Variants in CADM2 observed in about 807,000 individuals in gnomAD.
The protein encoded by CADM2 is cell adhesion molecule 2.
In CADM2, 12 loss-of-function variants were observed where a neutral mutation model predicts 49.8. That is an observed-to-expected ratio of 0.24 (90% CI 0.15 to 0.39). The LOEUF is 0.39. CADM2 is among the 10% of genes least tolerant of loss of function. The probability of loss-of-function intolerance (pLI) is 1.00; values close to 1 mark genes in which losing one functional copy is unlikely to be tolerated. For synonymous variants in CADM2, 214 were observed against 175.4 expected, an observed-to-expected ratio of 1.22 and a Z score of -1.74; for missense variants, 378 against 492.3, an observed-to-expected ratio of 0.77 and a Z score of 2.20.
At chr3:85,838,872 T>G (rs558779587) in intron 3 of CADM2, among the ~76,000 whole-genome samples, 1 of 151,890 alleles carries the variant, frequency 6.6e-6, no homozygotes, top group African/African-American at 2.4e-5. Flanking sequence ...TTATTGTCCT[T>G]AAGGAAATAA....
rs2044358565 is a variant in CADM2 at position 85,312,074 on chromosome 3, CCG to C, written c.61+352408_61+352409del. Among the ~76,000 whole-genome samples, 3 of 152,016 alleles carry C rather than the reference CCG, an allele frequency of 2.0e-5. No individual in the cohort carries two copies. The South Asian group carries it at 6.2e-4, about 32-fold the overall frequency. ...TAAAGGCCTCTTTTTTAAACTTTAG[CCG>C]CTCATATATTATTTTACTCATCCAA... On this transcript the variant is annotated intron_variant, in intron 1 of 9. Coordinates refer to ENST00000383699, the MANE Select transcript of CADM2 (RefSeq NM_001167675.2).
intron 1 of CADM2, among the ~76,000 whole-genome samples, chr3:85,316,260 T>G: frequency 6.6e-6 from 1 of 152,282 alleles, no homozygotes. Context: ...CTATATATAT[T>G]AATATTTAAA....
rs752047901 is a variant in CADM2 at position 85,174,410 on chromosome 3, T to A, written c.61+214742T>A. 4.2e-4 allele frequency among the ~76,000 whole-genome samples: 64 copies of A among 152,090 alleles called. No homozygotes were observed. The Middle Eastern group carries it at 0.014, about 32-fold the overall frequency. ...TGAGATTCACTGTTTGTAGAGAGAA[T>A]GTTTATCATTTCCTACCGCATTAAT... On this transcript the variant is annotated intron_variant, in intron 1 of 9. Coordinates refer to ENST00000383699, the MANE Select transcript of CADM2 (RefSeq NM_001167675.2).
intron 1 of CADM2, among the ~76,000 whole-genome samples, chr3:85,657,628 AT>A (rs1292953532): frequency 1.3e-5 from 2 of 150,214 alleles, no homozygotes; most frequent in East Asian, 2.0e-4. Flanking sequence ...AGCAACAATT[AT>A]TTGTATACAT....
chr3:85,628,651 A>G (rs1032847724), intron 1 of CADM2, among the ~76,000 whole-genome samples: 2 of 146,282 alleles, frequency 1.4e-5, no homozygotes, highest in African/African-American at 2.5e-5. Flanking sequence ...ATATACACAC[A>G]CATATGTATA....
At chr3:85,882,050 C>A (rs1323163109) in intron 3 of CADM2, among the ~76,000 whole-genome samples, 1 of 152,116 alleles carries the variant, frequency 6.6e-6, no homozygotes, top group African/African-American at 2.4e-5. Context: ...TAACAGACTG[C>A]AAACTGGTAC....
At chr3:85,071,204 T>C (rs969816670) in intron 1 of CADM2, among the ~76,000 whole-genome samples, 2 of 151,132 alleles carry the variant, frequency 1.3e-5, no homozygotes, top group Admixed American at 6.6e-5. Context: ...ATAGGTAAGA[T>C]GGGAGGGAAA....
chr3:84,974,078 T>C (rs1171166991), intron 1 of CADM2, among the ~76,000 whole-genome samples: 1 of 152,118 alleles, frequency 6.6e-6, no homozygotes, highest in East Asian at 1.9e-4. Context: ...TTTTACTTCC[T>C]TTAATATTTA....
chr3:85,157,472 G>T (rs2107659670), intron 1 of CADM2, among the ~76,000 whole-genome samples: 1 of 152,160 alleles, frequency 6.6e-6, no homozygotes, highest in African/African-American at 2.4e-5. Flanking sequence ...AAACAGCATG[G>T]TACTGGTACC....
chr3:85,647,163 C>T lies in CADM2; in HGVS notation c.62-79359C>T, dbSNP rs375233030. On this transcript the variant is annotated intron_variant, in intron 1 of 9. Coordinates refer to ENST00000383699, the MANE Select transcript of CADM2 (RefSeq NM_001167675.2). ...CCAAAACACTGCCCTTTACCAAGTA[C>T]CCATGAAAGATACAGATAATTAATT... 2.6e-5 allele frequency among the ~76,000 whole-genome samples: 4 copies of T among 151,760 alleles called. No individual in the cohort carries two copies. The East Asian group carries it at 7.8e-4, about 29-fold the overall frequency.
chr3:85,641,789 G>T (rs2064723759), intron 1 of CADM2, among the ~76,000 whole-genome samples: 1 of 151,720 alleles, frequency 6.6e-6, no homozygotes, highest in South Asian at 2.1e-4. Flanking sequence ...AAAATAGCCA[G>T]GTGTGGTGGC....
At chr3:86,050,001 A>C (rs1444914578) in intron 8 of CADM2, among the ~76,000 whole-genome samples, 1 of 152,084 alleles carries the variant, frequency 6.6e-6, no homozygotes, top group Non-Finnish European at 1.5e-5. Context: ...AAGTCCCCCA[A>C]ACTTGTAACT....
chr3:85,713,033 G>T (rs1033202412), intron 1 of CADM2, among the ~76,000 whole-genome samples: 1 of 152,054 alleles, frequency 6.6e-6, no homozygotes, highest in Admixed American at 6.6e-5. Flanking sequence ...ATCTTCAGTT[G>T]TCCAACATTT....
At chr3:85,731,536 C>A (rs1233276592) in intron 2 of CADM2, among the ~76,000 whole-genome samples, 1 of 152,058 alleles carries the variant, frequency 6.6e-6, no homozygotes. Flanking sequence ...TAAATTATAT[C>A]TGTGGGAAAA....
At chr3:85,477,878 G>A (rs2039044382) in intron 1 of CADM2, among the ~76,000 whole-genome samples, 1 of 151,708 alleles carries the variant, frequency 6.6e-6, no homozygotes, top group South Asian at 2.1e-4. Context: ...CACCAGTGGA[G>A]GTTTTCAGTA....
intron 1 of CADM2, among the ~76,000 whole-genome samples, chr3:85,469,743 G>A (rs1022865021): frequency 4.6e-5 from 7 of 152,142 alleles, no homozygotes; most frequent in Admixed American, 4.6e-4. Context: ...AAAAACTCCT[G>A]TCCTTCCAAG....
chr3:85,545,090 G>T (rs899481465), intron 1 of CADM2, among the ~76,000 whole-genome samples: 1 of 152,128 alleles, frequency 6.6e-6, no homozygotes, highest in Admixed American at 6.5e-5. Context: ...GTCTTTAAAA[G>T]ACACAACGGA....
intron 1 of CADM2, among the ~76,000 whole-genome samples, chr3:85,656,465 G>A (rs7646381): frequency 0.94 from 143,155 of 151,924 alleles, 67,595 homozygotes; most frequent in East Asian, 1. Context: ...ATATACAAAA[G>A]ATTATCCAGG....
chr3:85,331,523 CAATAGTCACTTTT>C (rs2044926445), intron 1 of CADM2, among the ~76,000 whole-genome samples: 1 of 150,922 alleles, frequency 6.6e-6, no homozygotes, highest in African/African-American at 2.4e-5. Context: ...CTAAAAGTGA[CAATAGTCACTTTT>C]AGATTGGCCT....
Sources: allele counts gnomAD v4.1 joint callset (sites outside exome capture counted in the v4.1 genomes callset), GRCh38; gene constraint gnomAD v4.1.1; transcripts MANE v1.5; gene names NCBI Gene and HGNC (gene_info 2026-07-23, HGNC 2026-07-21).